GAREM2: variants seen among roughly 807,000 people sequenced by gnomAD.
GAREM2 encodes the protein GRB2 associated regulator of MAPK1 subtype 2.
Under a neutral mutation model 55.6 loss-of-function variants are expected in GAREM2, and 30 were observed. The observed-to-expected ratio is 0.54, with a 90% CI of 0.40 to 0.73. GAREM2 has a LOEUF of 0.73. Among genes scored for constraint, GAREM2 ranks in the 30% least tolerant of loss-of-function variants. The pLI is 0.00. For missense variants in GAREM2, 1,075 were observed against 1,257.7 expected, an observed-to-expected ratio of 0.85 and a Z score of 2.20; for synonymous variants, 550 against 569.1, an observed-to-expected ratio of 0.97 and a Z score of 0.48.
intron 2 of GAREM2, chr2:26,182,369 G>A (rs1669078370): frequency 6.5e-7 from 1 of 1,534,558 alleles, no homozygotes; most frequent in Non-Finnish European, 8.8e-7. Context: ...GCAGGGTGTG[G>A]GAACAGAGCT....
In GAREM2 at chr2:26,184,983, C is replaced by T; in HGVS notation, c.1135C>T (p.Arg379Cys). The T allele has an allele frequency of 8.5e-7, 1 of 1,177,522 alleles. No homozygotes were observed. The highest frequency in any genetic ancestry group is 1.0e-6 in the Non-Finnish European group (1 of 954,284). The allele number at this position is 1,177,522 out of a possible 1,614,324, so 72.9% of individuals were successfully genotyped here. A position where few individuals can be genotyped will look rare whatever the true frequency, so the allele number is the denominator to read the frequency against. Residue 379 changes from arginine to cysteine, a missense_variant, in exon 4 of 6, where the codon CGC becomes TGC. By Grantham distance (180) the Arg-to-Cys change is radical (BLOSUM62 -3). Coordinates refer to ENST00000401533, the MANE Select transcript of GAREM2 (RefSeq NM_001168241.2). The stretch of plus-strand genomic sequence containing the variant: ...AGACTGCGCCAGCCCGCGCCGCGCG[C>T]GCCTCTGCCTGCCCGCGCCGCGCGC... ...AEDCASPRRA[R>C]LCLPAPRAPG...
the GAREM2 span, among the ~76,000 whole-genome samples, chr2:26,196,830 T>C: frequency 6.6e-6 from 1 of 152,182 alleles, no homozygotes; most frequent in Non-Finnish European, 1.5e-5. Context: ...TCTTGAGTGA[T>C]ATGACATGGC....
Position 26,182,999 on chromosome 2 carries a change from G to A in GAREM2, c.286G>A (p.Val96Met). 1 of 1,551,734 alleles carries A rather than the reference G, an allele frequency of 6.4e-7. No individual in the cohort carries two copies. The highest frequency in any genetic ancestry group is 8.7e-7 in the Non-Finnish European group (1 of 1,146,986). Residue 96 changes from valine to methionine, a missense_variant, in exon 3 of 6, where the codon GTG (valine) becomes ATG (methionine). Coordinates refer to ENST00000401533, the MANE Select transcript of GAREM2 (RefSeq NM_001168241.2). ...KFKLLEQARD[V>M]REPVRYFSSV... ...CAAGCTCCTGGAACAGGCCCGGGATGTGCGGGAGCCAGTGAGGTACTTCAG... is the reference window on the plus strand; with the variant it reads ...CAAGCTCCTGGAACAGGCCCGGGATATGCGGGAGCCAGTGAGGTACTTCAG...
At position 26,176,335 on chromosome 2, in the gene GAREM2, C is replaced by T; in HGVS notation, c.113-9C>T. 3.9e-6 allele frequency: 6 copies of T among 1,525,644 alleles called. No individual in the cohort carries two copies. The highest frequency in any genetic ancestry group is 5.3e-6 in the Non-Finnish European group (6 of 1,131,944). 94.5% of individuals were successfully genotyped at this position (1,525,644 alleles called of 1,614,324 possible). A position where few individuals can be genotyped will look rare whatever the true frequency, so the allele number is the denominator to read the frequency against. On this transcript the variant is annotated splice_polypyrimidine_tract_variant and intron_variant, in intron 1 of 5. Transcript: ENST00000401533. ...TCCCCTCATCCTCTGTCCTCCTCCC[C>T]CTTCCCAGGGGAGTACGCCGAGGGC...
At chr2:26,175,584 G>T (rs1187607434) in intron 1 of GAREM2, among the ~76,000 whole-genome samples, 1 of 152,168 alleles carries the variant, frequency 6.6e-6, no homozygotes, top group Non-Finnish European at 1.5e-5. Context: ...AAGGCAGTGG[G>T]TGGCTTCTCT....
rs751305798 is a variant in GAREM2, at chr2:26,173,203, C to T, written c.-18C>T. 33 of 1,175,202 alleles carry T rather than the reference C, an allele frequency of 2.8e-5. 1 individual carries two copies. The South Asian group carries it at 7.1e-4, about 25-fold the overall frequency. The allele number at this position is 1,175,202 out of a possible 1,614,324, so 72.8% of individuals were successfully genotyped here. ...GACCGTCGGGGCCCCGGGACGGCGG[C>T]CCCGGGGCGCCCATGCCATGGAGAA... On this transcript the variant is annotated 5_prime_UTR_variant, in exon 1 of 6. Coordinates refer to ENST00000401533, the MANE Select transcript of GAREM2 (RefSeq NM_001168241.2).
At chr2:26,185,994 G>A (rs935496606) in intron 4 of GAREM2, among the ~76,000 whole-genome samples, 195 bp from the exon 5 acceptor site, 2 of 152,198 alleles carry the variant, frequency 1.3e-5, no homozygotes, top group African/African-American at 4.8e-5. Context: ...GTGGGTGCGT[G>A]AGATAGGCTG....
At chr2:26,195,266 G>A in the GAREM2 span, 2 of 1,592,144 alleles carry the variant, frequency 1.3e-6, no homozygotes, top group Non-Finnish European at 1.7e-6. Flanking sequence ...ACAGATCGGA[G>A]AATGCGGGTG....
intron 4 of GAREM2, 45 bp downstream of exon 4, chr2:26,185,321 C>A (rs773073682): frequency 6.9e-7 from 1 of 1,458,604 alleles, no homozygotes; most frequent in South Asian, 1.3e-5. Flanking sequence ...CAGCCAGGGC[C>A]CAAAGCCCGT....
chr2:26,195,471 TCCTC>T, the GAREM2 span, among the ~76,000 whole-genome samples: 1 of 151,866 alleles, frequency 6.6e-6, no homozygotes, highest in Non-Finnish European at 1.5e-5. Flanking sequence ...AGACATCTGA[TCCTC>T]CCAACAATCA....
In GAREM2 at chr2:26,176,487, G is replaced by A; in HGVS notation, c.253+3G>A. The A allele has an allele frequency of 1.3e-6, 2 of 1,542,220 alleles. No individual in the cohort carries two copies. Among genetic ancestry groups the A allele is most frequent in the East Asian group, 2.5e-5 (1 of 40,536 alleles). On this transcript the variant is annotated splice_donor_region_variant and intron_variant, in intron 2 of 5. Transcript: ENST00000401533. ...CGACATCCCCCTGCAGTACCCAGGT[G>A]TGTCCAGCCAGGACAGATGTCATAA...
intron 2 of GAREM2, chr2:26,182,286 T>A (rs760165599): frequency 1.7e-4 from 240 of 1,437,422 alleles, no homozygotes; most frequent in Non-Finnish European, 1.9e-4. Flanking sequence ...TGGGAAGGCC[T>A]ACTCTCAGGG....
rs1266287977 is a variant in GAREM2, at chr2:26,185,190, C to G, written c.1342C>G (p.Leu448Val). Reference protein sequence around the residue: ...PEGLVRPPPGLDLISFGAAGP... With the variant: ...PEGLVRPPPGVDLISFGAAGP... ...GGGCCTCGTCCGGCCGCCCCCAGGG[C>G]TCGATCTCATCTCCTTCGGGGCCGC... Residue 448 changes from leucine (L) to valine (V), a missense_variant, in exon 4 of 6, where the codon CTC (leucine) becomes GTC (valine). By Grantham distance (32) the Leu-to-Val change is conservative. Around this residue, in one of 6 missense-constraint regions of GAREM2, gnomAD observed 515 missense variants for 501.5 expected, o/e 1.03. Coordinates refer to ENST00000401533, the MANE Select transcript of GAREM2 (RefSeq NM_001168241.2). 6.6e-7 allele frequency: 1 copy of G among 1,516,782 alleles called. No individual in the cohort carries two copies. Among genetic ancestry groups the G allele is most frequent in the East Asian group, 2.6e-5 (1 of 38,236 alleles). The allele number at this position is 1,516,782 out of a possible 1,614,324, so 94.0% of individuals were successfully genotyped here.
At chr2:26,186,787 C>T (rs1424088958) in intron 5 of GAREM2, among the ~76,000 whole-genome samples, 1 of 152,166 alleles carries the variant, frequency 6.6e-6, no homozygotes, top group African/African-American at 2.4e-5. Flanking sequence ...ACCAGCCTGG[C>T]TAACATGGCG....
chr2:26,175,801 C>T (rs1668846211), intron 1 of GAREM2, among the ~76,000 whole-genome samples: 1 of 152,196 alleles, frequency 6.6e-6, no homozygotes. Flanking sequence ...TCCGGGCCCT[C>T]TCCACTGCCC....
At chr2:26,193,749 C>T (rs1669580810), downstream of GAREM2, 4 of 1,614,166 alleles carry the variant, frequency 2.5e-6, no homozygotes, top group East Asian at 6.7e-5. Context: ...TCAGGGAATC[C>T]AGCTTCTTCG....
the GAREM2 span, among the ~76,000 whole-genome samples, chr2:26,198,507 C>T: frequency 8.6e-5 from 13 of 151,314 alleles, no homozygotes; most frequent in Admixed American, 4.0e-4. Context: ...GGATGAGAAA[C>T]GTGGAAGGGA....
At chr2:26,191,059 A>G, downstream of GAREM2, 1 of 660,260 alleles carries the variant, frequency 1.5e-6, no homozygotes, top group Non-Finnish European at 2.7e-6. Flanking sequence ...AGGAAGTGCA[A>G]ACTAATTCGA....
chr2:26,195,711 A>G, the GAREM2 span, among the ~76,000 whole-genome samples: 1 of 152,200 alleles, frequency 6.6e-6, no homozygotes, highest in Admixed American at 6.5e-5. Flanking sequence ...ACTCCTCAAC[A>G]GTCAGATGCA....
Sources: gnomAD v4.1 joint callset for allele counts (sites outside exome capture counted in the v4.1 genomes callset) on GRCh38, gnomAD v4.1.1 for gene constraint, gnomAD v4.1.1 regional missense constraint, MANE v1.5 for transcripts, NCBI Gene and HGNC (gene_info 2026-07-23, HGNC 2026-07-21) for gene names.